Variants in HIP1 observed in about 807,000 individuals in gnomAD.
HIP1 encodes huntingtin interacting protein 1, also known as huntingtin-interacting protein 1.
HIP1 carries 65 observed loss-of-function variants against 147.6 expected under a neutral mutation model. That is an observed-to-expected ratio of 0.44 (90% CI 0.36 to 0.54). The LOEUF is 0.54. Among genes scored for constraint, HIP1 ranks in the 20% least tolerant of loss-of-function variants. The pLI, the probability that HIP1 is intolerant of heterozygous loss-of-function variation, is 0.00. For synonymous variants in HIP1, 479 were observed against 504.0 expected (o/e 0.95, Z 0.67); for missense variants, 1,061 against 1,299.6 (o/e 0.82, Z 2.82).
intron 17 of HIP1, 35 bp downstream of exon 17, chr7:75,556,675 G>T: frequency 7.7e-7 from 1 of 1,302,450 alleles, no homozygotes; most frequent in Middle Eastern, 2.0e-4. Flanking sequence ...GACAGAAGAA[G>T]ACTCTATCTC....
rs587626725 is a variant in HIP1 at position 75,548,689 on chromosome 7, C to T, written c.2406+202G>A. On this transcript the variant is annotated intron_variant, in intron 23 of 30. Coordinates refer to ENST00000336926, the MANE Select transcript of HIP1 (RefSeq NM_005338.7). ...ATGGGGTCTTGCTATGATGTCCAGG[C>T]TGGTCTCAAACTCCTGGACTCAAGT... is the stretch of plus-strand genomic sequence containing the variant. Among the ~76,000 whole-genome samples the T allele has an allele frequency of 4.6e-5, 7 of 152,086 alleles. No individual in the cohort carries two copies. In the South Asian group the frequency reaches 1.5e-3, roughly 32 times the overall value.
chr7:75,662,999 T>G (rs948823179), intron 1 of HIP1, among the ~76,000 whole-genome samples: 1 of 152,154 alleles, frequency 6.6e-6, no homozygotes. Context: ...AATCCCCACC[T>G]TTTTTCTACA....
chr7:75,722,926 G>A (rs781873500), intron 1 of HIP1, among the ~76,000 whole-genome samples: 1 of 152,080 alleles, frequency 6.6e-6, no homozygotes, highest in Non-Finnish European at 1.5e-5. Context: ...TGTTTGATCT[G>A]CAGCCACGAC....
chr7:75,669,704 G>T lies in HIP1; in HGVS notation c.120+69097C>A, dbSNP rs540320122. ...TATTCTGAACATTTCATATAATGGG[G>T]TTATAATAAAATAAGTGGCCATTTC... On this transcript the variant is annotated intron_variant, in intron 1 of 30. Transcript: ENST00000336926. Among the ~76,000 whole-genome samples, 11 of 152,284 alleles carry T rather than the reference G, an allele frequency of 7.2e-5. 1 individual carries two copies. The highest frequency in any genetic ancestry group is 2.6e-4 in the African/African-American group (11 of 41,558).
At chr7:75,631,602 C>T (rs1554508923) in intron 1 of HIP1, among the ~76,000 whole-genome samples, 1 of 152,128 alleles carries the variant, frequency 6.6e-6, no homozygotes, top group Non-Finnish European at 1.5e-5. Flanking sequence ...CCACAGGAAC[C>T]TCCTCCAAAT....
intron 7 of HIP1, among the ~76,000 whole-genome samples, chr7:75,575,908 G>A (rs1795830776): frequency 1.3e-5 from 2 of 151,474 alleles, no homozygotes; most frequent in Non-Finnish European, 2.9e-5. Flanking sequence ...GGTTAGTCTG[G>A]CAGCTGAAAA....
intron 1 of HIP1, 70 bp from the exon 2 acceptor site, chr7:75,599,317 C>T (rs377020872): frequency 1.8e-5 from 22 of 1,205,238 alleles, no homozygotes; most frequent in Non-Finnish European, 2.6e-5. Flanking sequence ...CTGAGACCCT[C>T]CCAGATGCCC....
chr7:75,607,529 TAAA>T (rs140305342), intron 1 of HIP1, among the ~76,000 whole-genome samples: 17,067 of 107,234 alleles, frequency 0.16, 2,287 homozygotes, highest in African/African-American at 0.38. Flanking sequence ...ATGCCCAGCC[TAAA>T]AAAAAAAAAA....
In HIP1 at chr7:75,547,779, C is replaced by T. The variant is rs1794627655; in HGVS notation, c.2441G>A (p.Gly814Glu). The T allele has an allele frequency of 1.2e-6, 2 of 1,613,848 alleles. No homozygotes were observed. Among genetic ancestry groups the T allele is most frequent in the Non-Finnish European group, 1.7e-6 (2 of 1,179,944 alleles). Residue 814 changes from glycine to glutamate, a missense_variant, in exon 24 of 31, where the codon GGA becomes GAA. Transcript: ENST00000336926. ...CCTTTCATTCACCTCCAATTTGACTCCTGTGTCTCCTGCTCGGGATTTGCT... is the reference window on the plus strand; with the variant it reads ...CCTTTCATTCACCTCCAATTTGACTTCTGTGTCTCCTGCTCGGGATTTGCT... ...MLSKSRAGDT[G>E]VKLEVNERIL...
At chr7:75,664,008 A>ATATATACACATATATGTG (rs1799420601) in intron 1 of HIP1, among the ~76,000 whole-genome samples, 1 of 23,132 alleles carries the variant, frequency 4.3e-5, no homozygotes, top group Non-Finnish European at 7.0e-5. Context: ...ATATATGTGT[A>ATATATACACATATATGTG]TATATATACA....
chr7:75,581,380 A>C (rs1796037634), intron 6 of HIP1, 82 bp from the exon 7 acceptor site: 2 of 972,754 alleles, frequency 2.1e-6, no homozygotes, highest in Non-Finnish European at 3.2e-6. Flanking sequence ...GCTCTACGCT[A>C]CTCCAGTCTC....
intron 4 of HIP1, among the ~76,000 whole-genome samples, chr7:75,589,591 G>A (rs1796411474): frequency 1.4e-5 from 2 of 144,750 alleles, no homozygotes; most frequent in African/African-American, 5.2e-5. Flanking sequence ...GCTGAGGCAG[G>A]AGAATCGCTT....
chr7:75,550,437 C>T (rs1794740003), intron 22 of HIP1, among the ~76,000 whole-genome samples: 1 of 152,054 alleles, frequency 6.6e-6, no homozygotes, highest in Non-Finnish European at 1.5e-5. Flanking sequence ...AAAGACAAAA[C>T]ATAAAAGCCT....
At chr7:75,577,685 A>G (rs1303465085) in intron 7 of HIP1, among the ~76,000 whole-genome samples, 11 of 152,186 alleles carry the variant, frequency 7.2e-5, no homozygotes, top group African/African-American at 2.7e-4. Context: ...CGTGGTAACA[A>G]TATTAATGAA....
intron 14 of HIP1, 118 bp from the exon 15 acceptor site, chr7:75,558,373 G>A (rs1795096264): frequency 3.8e-6 from 3 of 794,208 alleles, no homozygotes; most frequent in Admixed American, 1.9e-5. Context: ...GTCTTGCTCT[G>A]TCACCCAGGC....
chr7:75,599,297 C>T, intron 1 of HIP1, 50 bp from the exon 2 acceptor site: 1 of 1,355,504 alleles, frequency 7.4e-7, no homozygotes, highest in South Asian at 1.2e-5. Context: ...GAATAAGCCT[C>T]TGAGAGTGGC....
intron 1 of HIP1, among the ~76,000 whole-genome samples, chr7:75,705,996 A>G (rs1554519672): frequency 6.7e-6 from 1 of 149,660 alleles, no homozygotes; most frequent in Admixed American, 6.7e-5. Context: ...GGTTCAAGTG[A>G]TTTTCTCCTG....
chr7:75,573,709 T>G (rs1435404028), intron 8 of HIP1, 52 bp downstream of exon 8: 1 of 1,571,664 alleles, frequency 6.4e-7, no homozygotes, highest in African/African-American at 1.3e-5. Context: ...CAGGCTGGGA[T>G]CCTCCCTCTG....
At chr7:75,633,943 G>C (rs189053182) in intron 1 of HIP1, among the ~76,000 whole-genome samples, 4 of 152,166 alleles carry the variant, frequency 2.6e-5, no homozygotes, top group Admixed American at 2.6e-4. Context: ...AGAAACTCCT[G>C]AATTTTAAAA....
Sources: gnomAD v4.1 joint callset for allele counts (sites outside exome capture counted in the v4.1 genomes callset) on GRCh38, gnomAD v4.1.1 for gene constraint, MANE v1.5 for transcripts, NCBI Gene and HGNC (gene_info 2026-07-23, HGNC 2026-07-21) for gene names.